LINC00632: variants seen among roughly 807,000 people sequenced by gnomAD.
LINC00632 encodes the protein ALDOA related specific transcript.
At chrX:140,783,628 A>C in exon 5 of LINC00632, 1 of 1,210,092 alleles carries the variant, frequency 8.3e-7, no homozygotes, top group Non-Finnish European at 1.1e-6. Context: ...CAGGTCTTCC[A>C]GTCAATCAGT....
chrX:140,735,081 A>C (rs1931122034), intron 3 of LINC00632, among the ~76,000 whole-genome samples: 1 of 111,020 alleles, frequency 9.0e-6, no homozygotes, highest in African/African-American at 3.3e-5. Flanking sequence ...ACATCTCTTA[A>C]GTGAATATGA....
At chrX:140,757,216 C>T (rs957457950) in intron 3 of LINC00632, among the ~76,000 whole-genome samples, 1 of 111,421 alleles carries the variant, frequency 9.0e-6, no homozygotes. Context: ...GGGTTTCTGT[C>T]AGCAGGTTAT....
At chrX:140,723,049 A>G (rs933832221) in intron 2 of LINC00632, among the ~76,000 whole-genome samples, 19 of 109,966 alleles carry the variant, frequency 1.7e-4, no homozygotes, top group African/African-American at 4.9e-4. Flanking sequence ...TCAAAAAAAA[A>G]AAAAGAAAAG....
chrX:140,786,150 T>C (rs758401074), exon 5 of LINC00632, among the ~76,000 whole-genome samples: 1 of 112,111 alleles, frequency 8.9e-6, no homozygotes, highest in East Asian at 2.8e-4. Context: ...AAATCCTCTA[T>C]GTGATAACAA....
At chrX:140,781,762 A>G (rs1443432767) in exon 5 of LINC00632, among the ~76,000 whole-genome samples, 1 of 111,809 alleles carries the variant, frequency 8.9e-6, no homozygotes, top group Non-Finnish European at 1.9e-5. Flanking sequence ...AATGCAGCCC[A>G]ACCATTTTTT....
intron 3 of LINC00632, among the ~76,000 whole-genome samples, chrX:140,763,318 G>T (rs1484920123): frequency 2.8e-5 from 3 of 105,913 alleles, no homozygotes; most frequent in Non-Finnish European, 1.9e-5. Context: ...CAGGAGAATC[G>T]CTTGAACCCA....
At chrX:140,725,953 A>T (rs1930953455) in intron 2 of LINC00632, among the ~76,000 whole-genome samples, 1 of 111,505 alleles carries the variant, frequency 9.0e-6, no homozygotes, top group African/African-American at 3.3e-5. Flanking sequence ...TGACACTCAT[A>T]CTCACTCAAT....
At chrX:140,779,617 A>G (rs1402078932) in exon 5 of LINC00632, among the ~76,000 whole-genome samples, 1 of 111,881 alleles carries the variant, frequency 8.9e-6, no homozygotes, top group Non-Finnish European at 1.9e-5. Flanking sequence ...TGTATATATT[A>G]CTGGGAAGTA....
At chrX:140,748,923 ATATATT>A (rs887108232) in intron 3 of LINC00632, among the ~76,000 whole-genome samples, 12 of 105,302 alleles carry the variant, frequency 1.1e-4, no homozygotes, top group Admixed American at 1.1e-3. Context: ...CTAAAATATG[ATATATT>A]TATATATTGT....
exon 5 of LINC00632, among the ~76,000 whole-genome samples, chrX:140,781,499 G>T (rs574001043): frequency 2.7e-5 from 3 of 110,881 alleles, no homozygotes; most frequent in South Asian, 7.7e-4. Context: ...TCCCTGTTTG[G>T]GCAATTGTCC....
At chrX:140,743,973 G>C in intron 3 of LINC00632, among the ~76,000 whole-genome samples, 1 of 111,933 alleles carries the variant, frequency 8.9e-6, no homozygotes, top group Non-Finnish European at 1.9e-5. Context: ...TCATGAAAAG[G>C]CTGTTTCCTG....
rs1286418753 is a variant in LINC00632 at position 140,762,242 on chromosome X, A to AGAGAAAGAGAGAGAGAGC, written n.192-9835_192-9834insAGAAAGAGAGAGAGAGCG. Reference sequence around the variant, plus strand: ...GAGAGAGAGAGAGAGAGAGAGAGAGAGCACTCTTATCTTTCCCCACTAGAT... The same window carrying AGAGAAAGAGAGAGAGAGC: ...GAGAGAGAGAGAGAGAGAGAGAGAGAGAGAAAGAGAGAGAGAGCGCACTCTTATCTTTCCCCACTAGAT... On this transcript the variant is annotated intron_variant and non_coding_transcript_variant, in intron 3 of 4. Coordinates refer to ENST00000648200, the Ensembl canonical transcript of LINC00632. 1.9e-3 allele frequency among the ~76,000 whole-genome samples: 192 copies of AGAGAAAGAGAGAGAGAGC among 99,817 alleles called. 1 individual carries two copies. Among genetic ancestry groups the AGAGAAAGAGAGAGAGAGC allele is most frequent in the African/African-American group, 6.9e-3 (182 of 26,548 alleles). The allele number at this position is 99,817 out of a possible 115,157, so 86.7% of individuals were successfully genotyped here.
At position 140,760,787 on chromosome X, in the gene LINC00632, C is replaced by A. The variant is rs189785463; in HGVS notation, n.192-11291C>A. ...AATGGCCTAGCCAGAATGTTGGCAG[C>A]CAAGGCAAGTTGGGCAACCAATACA... On this transcript the variant is annotated intron_variant and non_coding_transcript_variant, in intron 3 of 4. Coordinates refer to ENST00000648200, the Ensembl canonical transcript of LINC00632. Among the ~76,000 whole-genome samples the A allele has an allele frequency of 3.6e-5, 4 of 111,144 alleles. No homozygotes were observed. In the East Asian group the frequency reaches 1.1e-3, roughly 32 times the overall value.
At chrX:140,768,669 A>ATATATAGT (rs1931737820) in intron 3 of LINC00632, among the ~76,000 whole-genome samples, 1 of 97,684 alleles carries the variant, frequency 1.0e-5, no homozygotes, top group Non-Finnish European at 2.0e-5. Flanking sequence ...ATAAATCTAT[A>ATATATAGT]ATAAATATAC....
intron 2 of LINC00632, among the ~76,000 whole-genome samples, chrX:140,717,928 G>C (rs1930662891): frequency 9.0e-6 from 1 of 110,750 alleles, no homozygotes; most frequent in Non-Finnish European, 1.9e-5. Context: ...GCTGAGGTCG[G>C]GAGTTCGAGA....
At chrX:140,765,877 G>A in intron 3 of LINC00632, among the ~76,000 whole-genome samples, 1 of 111,754 alleles carries the variant, frequency 8.9e-6, no homozygotes, top group Non-Finnish European at 1.9e-5. Flanking sequence ...TGTCTTATGC[G>A]GGCCAGTGAA....
At chrX:140,726,233 C>T (rs1302178978) in intron 2 of LINC00632, among the ~76,000 whole-genome samples, 1 of 111,363 alleles carries the variant, frequency 9.0e-6, no homozygotes, top group African/African-American at 3.3e-5. Context: ...CAACACTCAG[C>T]CTGGCCACAG....
intron 3 of LINC00632, among the ~76,000 whole-genome samples, chrX:140,766,343 A>T (rs1420398304): frequency 8.9e-6 from 1 of 112,435 alleles, no homozygotes; most frequent in African/African-American, 3.2e-5. Context: ...TGAAAAATAG[A>T]TTATTATTAA....
intron 3 of LINC00632, among the ~76,000 whole-genome samples, chrX:140,762,224 A>AGAGAGAGAGAGAGG (rs1569354618): frequency 7.6e-5 from 8 of 105,596 alleles, no homozygotes; most frequent in Non-Finnish European, 1.4e-4. Context: ...AGAGAGAGAG[A>AGAGAGAGAGAGAGG]GAGAGAGAGA....
Sources: allele counts gnomAD v4.1 joint callset (sites outside exome capture counted in the v4.1 genomes callset), GRCh38; gene constraint gnomAD v4.1.1; transcripts MANE v1.5; gene names NCBI Gene and HGNC (gene_info 2026-07-23, HGNC 2026-07-21).